The following SFMBT1 variants were observed in gnomAD, a reference collection of about 807,000 sequenced individuals.
SFMBT1 encodes Scm like with four mbt domains 1.
Under a neutral mutation model 108.7 loss-of-function variants are expected in SFMBT1, and 32 were observed. That is an observed-to-expected ratio of 0.29 (90% confidence interval 0.22 to 0.40). The LOEUF (loss-of-function observed/expected upper bound fraction) is 0.40, where lower values mean the gene tolerates loss of function less well. SFMBT1 is among the 10% of genes least tolerant of loss of function. SFMBT1 has a pLI of 1.00. For synonymous variants in SFMBT1, 348 were observed against 369.5 expected, an observed-to-expected ratio of 0.94 and a Z score of 0.67; for missense variants, 816 against 1,059.6, an observed-to-expected ratio of 0.77 and a Z score of 3.19.
At chr3:52,988,479 G>C (rs1705007060) in intron 1 of SFMBT1, among the ~76,000 whole-genome samples, 1 of 152,158 alleles carries the variant, frequency 6.6e-6, no homozygotes, top group South Asian at 2.1e-4. Context: ...ATGCTGCTGC[G>C]AGGGTATCCT....
At chr3:53,002,857 G>A (rs1176065571) in intron 1 of SFMBT1, among the ~76,000 whole-genome samples, 1 of 150,372 alleles carries the variant, frequency 6.7e-6, no homozygotes, top group African/African-American at 2.4e-5. Context: ...ATAGTTACAT[G>A]AAGATGTCTA....
intron 17 of SFMBT1, among the ~76,000 whole-genome samples, chr3:52,909,128 T>G (rs1211269288): frequency 6.6e-6 from 1 of 152,216 alleles, no homozygotes; most frequent in Non-Finnish European, 1.5e-5. Context: ...TACGAATCCA[T>G]TTGACATCAT....
chr3:52,922,531 T>C (rs1480027635), intron 10 of SFMBT1, among the ~76,000 whole-genome samples: 1 of 152,166 alleles, frequency 6.6e-6, no homozygotes, highest in Non-Finnish European at 1.5e-5. Flanking sequence ...TTTTATAAGC[T>C]AAAATTTAGA....
intron 1 of SFMBT1, among the ~76,000 whole-genome samples, chr3:53,004,967 C>T (rs7628501): frequency 0.061 from 9,358 of 152,250 alleles, 785 homozygotes; most frequent in South Asian, 0.18. Flanking sequence ...TCACAAAATG[C>T]ACAATTAGTA....
intron 1 of SFMBT1, among the ~76,000 whole-genome samples, chr3:52,983,285 A>G (rs1296136690): frequency 1.3e-5 from 2 of 152,036 alleles, no homozygotes; most frequent in Non-Finnish European, 2.9e-5. Flanking sequence ...CTTCCTTATG[A>G]TTTTCTTTGT....
intron 1 of SFMBT1, among the ~76,000 whole-genome samples, chr3:52,972,465 C>T (rs896647219): frequency 1.3e-5 from 2 of 152,116 alleles, no homozygotes; most frequent in Admixed American, 6.6e-5. Flanking sequence ...AAAGAAAAAA[C>T]GGTAAACTAT....
chr3:52,960,588 T>G (rs1260263386), intron 2 of SFMBT1, among the ~76,000 whole-genome samples: 1 of 152,054 alleles, frequency 6.6e-6, no homozygotes, highest in Non-Finnish European at 1.5e-5. Context: ...TGTACAGTAC[T>G]TCCTCAAAAT....
At chr3:52,953,116 G>A (rs533871232) in intron 3 of SFMBT1, among the ~76,000 whole-genome samples, 1 of 152,332 alleles carries the variant, frequency 6.6e-6, no homozygotes, top group East Asian at 1.9e-4. Context: ...GAAATAAGTA[G>A]TTTTAGAATT....
intron 10 of SFMBT1, 85 bp from the exon 11 acceptor site, chr3:52,921,916 TA>T: frequency 1.5e-6 from 2 of 1,294,162 alleles, no homozygotes; most frequent in East Asian, 4.7e-5. Context: ...TTTCAAGTAG[TA>T]CTTAATCCCT....
rs200849255 is a variant in SFMBT1 at position 52,934,827 on chromosome 3, G to A, written c.439C>T (p.Pro147Ser). Residue 147 changes from proline to serine, a missense_variant, in exon 5 of 21, where the codon CCG (proline) becomes TCG (serine). Around this residue, in one of 5 missense-constraint regions of SFMBT1, gnomAD observed 495 missense variants for 607.4 expected, o/e 0.81. Coordinates refer to ENST00000394752, the MANE Select transcript of SFMBT1 (RefSeq NM_016329.4). ...GTAATACTCACGCCCTCTAGCAGCG[G>A]AACAGGAGGACTACATGCTCCTATC... The part of the protein sequence containing the change: ...TLIGACSPPV[P>S]LLEGLRNGRN... The A allele has an allele frequency of 2.5e-5, 41 of 1,613,230 alleles. No homozygotes were observed. Among genetic ancestry groups the A allele is most frequent in the Non-Finnish European group, 3.5e-5 (41 of 1,179,626 alleles).
intron 1 of SFMBT1, among the ~76,000 whole-genome samples, chr3:53,028,915 A>G (rs1699586131): frequency 6.6e-6 from 1 of 152,096 alleles, no homozygotes; most frequent in South Asian, 2.1e-4. Context: ...GCTCATGCCT[A>G]TAATCCCAGC....
At chr3:52,952,941 G>A (rs1703645159) in intron 3 of SFMBT1, among the ~76,000 whole-genome samples, 1 of 152,152 alleles carries the variant, frequency 6.6e-6, no homozygotes, top group African/African-American at 2.4e-5. Flanking sequence ...TGAAGACACA[G>A]CAAGGTGGCA....
At chr3:52,913,650 A>G (rs1306135519) in intron 14 of SFMBT1, 33 bp from the exon 15 acceptor site, 2 of 1,608,664 alleles carry the variant, frequency 1.2e-6, no homozygotes, top group Non-Finnish European at 1.7e-6. Flanking sequence ...TATTCAAAAC[A>G]GTCATTCTCT....
chr3:53,006,455 C>T (rs1202776955), intron 1 of SFMBT1, among the ~76,000 whole-genome samples: 3 of 152,014 alleles, frequency 2.0e-5, no homozygotes, highest in Non-Finnish European at 4.4e-5. Flanking sequence ...ATGGTGAAAC[C>T]CCGTCTCTAC....
intron 1 of SFMBT1, among the ~76,000 whole-genome samples, chr3:53,026,938 G>A (rs1012296575): frequency 2.0e-5 from 3 of 151,962 alleles, no homozygotes; most frequent in Admixed American, 6.6e-5. Context: ...TCGTGCCACC[G>A]CACCTGGCTA....
At chr3:52,978,026 T>C (rs1704577139) in intron 1 of SFMBT1, among the ~76,000 whole-genome samples, 2 of 152,154 alleles carry the variant, frequency 1.3e-5, no homozygotes, top group Non-Finnish European at 2.9e-5. Flanking sequence ...ATTAGAGATA[T>C]ATCAGTGAAG....
At chr3:52,917,625 G>A (rs967206492) in intron 13 of SFMBT1, among the ~76,000 whole-genome samples, 1 of 152,138 alleles carries the variant, frequency 6.6e-6, no homozygotes. Context: ...GAATGGGGCC[G>A]CACAGCAGGC....
chr3:52,939,728 CTTTG>C (rs1171634407), intron 4 of SFMBT1, among the ~76,000 whole-genome samples: 1 of 151,720 alleles, frequency 6.6e-6, no homozygotes. Flanking sequence ...CTTTTTATTT[CTTTG>C]TTTGGTTTTT....
chr3:52,988,337 T>A (rs763905581), intron 1 of SFMBT1, among the ~76,000 whole-genome samples: 17 of 152,312 alleles, frequency 1.1e-4, no homozygotes, highest in Middle Eastern at 6.8e-3. Flanking sequence ...AACTAGATTA[T>A]CAGTTATAAA....
Sources: gnomAD v4.1 joint callset for allele counts (sites outside exome capture counted in the v4.1 genomes callset) on GRCh38, gnomAD v4.1.1 for gene constraint, gnomAD v4.1.1 regional missense constraint, MANE v1.5 for transcripts, NCBI Gene and HGNC (gene_info 2026-07-23, HGNC 2026-07-21) for gene names.